The following MGAT4A variants were observed in gnomAD, a reference collection of about 807,000 sequenced individuals.
The protein encoded by MGAT4A is N-acetylglucosaminyltransferase IVa.
Under a neutral mutation model 74.1 loss-of-function variants are expected in MGAT4A, and 33 were observed. The ratio of observed to expected loss-of-function variants is 0.45; its 90% CI spans 0.34 to 0.60. The LOEUF (loss-of-function observed/expected upper bound fraction) is 0.60. MGAT4A is among the 20% of genes least tolerant of loss of function. MGAT4A has a pLI of 0.02. For synonymous variants in MGAT4A, 198 were observed against 210.4 expected (o/e 0.94, Z 0.51); for missense variants, 479 against 628.3 (o/e 0.76, Z 2.54).
intron 8 of MGAT4A, among the ~76,000 whole-genome samples, chr2:98,645,822 CAT>C (rs1701476184): frequency 6.6e-6 from 1 of 151,984 alleles, no homozygotes; most frequent in South Asian, 2.1e-4. Flanking sequence ...ATGATGCTGA[CAT>C]GTGAGTGGAT....
chr2:98,648,555 TA>T lies in MGAT4A; in HGVS notation c.775-3014del, dbSNP rs200362062. Among the ~76,000 whole-genome samples the T allele has an allele frequency of 4.0e-3, 518 of 128,468 alleles. 1 individual carries two copies. Among genetic ancestry groups the T allele is most frequent in the Middle Eastern group, 4.4e-3 (1 of 228 alleles). The allele number at this position is 128,468 out of a possible 152,430, so 84.3% of individuals were successfully genotyped here. On this transcript the variant is annotated intron_variant, in intron 8 of 15. Transcript: ENST00000393487. ...AGTGAGACCCTGTTTTTACAAAAAGTAAAAAAAAAAAAAATTAGCCAGGCAT... is the reference window on the plus strand; with the variant it reads ...AGTGAGACCCTGTTTTTACAAAAAGTAAAAAAAAAAAAATTAGCCAGGCAT...
intron 2 of MGAT4A, among the ~76,000 whole-genome samples, chr2:98,681,714 G>C (rs1217684612): frequency 1.3e-5 from 2 of 152,122 alleles, no homozygotes; most frequent in Non-Finnish European, 2.9e-5. Flanking sequence ...CCAGCACTTT[G>C]GGAAGCCATG....
rs1701087520 is a variant in MGAT4A, at chr2:98,623,160, A to G, written c.*2406T>C. 5.1e-6 allele frequency: 5 copies of G among 985,486 alleles called. No individual in the cohort carries two copies. Among genetic ancestry groups the G allele is most frequent in the Non-Finnish European group, 6.0e-6 (5 of 829,964 alleles). The allele number at this position is 985,486 out of a possible 1,614,324, so 61.0% of individuals were successfully genotyped here. On this transcript the variant is annotated 3_prime_UTR_variant, in exon 16 of 16. Coordinates refer to ENST00000393487, the MANE Select transcript of MGAT4A (RefSeq NM_012214.3). Reference sequence around the variant, plus strand: ...AGATTCATGGGGAGAGAAGCACAAAAAAGTCCTGGAATGATAGGAAAGATT... The same window carrying G: ...AGATTCATGGGGAGAGAAGCACAAAGAAGTCCTGGAATGATAGGAAAGATT...
intron 14 of MGAT4A, among the ~76,000 whole-genome samples, chr2:98,633,223 G>T (rs529618681): frequency 6.6e-6 from 1 of 152,296 alleles, no homozygotes; most frequent in Admixed American, 6.5e-5. Context: ...CAACAGAGTT[G>T]GGGGTAAGGA....
At chr2:98,671,943 C>CAAGAAA (rs1701916430) in intron 4 of MGAT4A, among the ~76,000 whole-genome samples, 1 of 28,616 alleles carries the variant, frequency 3.5e-5, no homozygotes. Flanking sequence ...GTGGAAAAGG[C>CAAGAAA]AAAAAAAAAA....
chr2:98,625,324 G>A lies in MGAT4A; in HGVS notation c.*242C>T. ...TTAGTATAATACCAAAATAGTACAA[G>A]TCATATTAACAGGCTGTCATAATTG... On this transcript the variant is annotated 3_prime_UTR_variant, in exon 16 of 16. Coordinates refer to ENST00000393487, the MANE Select transcript of MGAT4A (RefSeq NM_012214.3). 1.6e-6 allele frequency: 2 copies of A among 1,275,854 alleles called. No homozygotes were observed. The highest frequency in any genetic ancestry group is 2.0e-6 in the Non-Finnish European group (2 of 994,426). 79.0% of individuals were successfully genotyped at this position (1,275,854 alleles called of 1,614,324 possible). A position where few individuals can be genotyped will look rare whatever the true frequency, so the allele number is the denominator to read the frequency against.
At chr2:98,698,632 C>T (rs1702308458) in intron 2 of MGAT4A, among the ~76,000 whole-genome samples, 1 of 152,136 alleles carries the variant, frequency 6.6e-6, no homozygotes, top group African/African-American at 2.4e-5. Flanking sequence ...GGAAACCCTT[C>T]AATGACTACC....
At chr2:98,643,124 GT>G (rs1302622671) in intron 10 of MGAT4A, among the ~76,000 whole-genome samples, 6 of 151,808 alleles carry the variant, frequency 4.0e-5, no homozygotes, top group Middle Eastern at 3.4e-3. Flanking sequence ...AAAAGCTATA[GT>G]TTTTTTTCAG....
intron 6 of MGAT4A, 151 bp downstream of exon 6, chr2:98,658,067 G>T (rs1045329375): frequency 1.7e-6 from 1 of 574,614 alleles, no homozygotes; most frequent in Non-Finnish European, 3.1e-6. Context: ...ACCTACTTTG[G>T]GACAATATCA....
intron 4 of MGAT4A, chr2:98,663,431 TGAATG>T: frequency 6.7e-7 from 1 of 1,493,734 alleles, no homozygotes; most frequent in Non-Finnish European, 8.9e-7. Context: ...CACTAAAAAA[TGAATG>T]GCTGCGAAGT....
intron 8 of MGAT4A, 51 bp downstream of exon 8, chr2:98,655,394 A>G (rs1701643275): frequency 7.2e-7 from 1 of 1,382,726 alleles, no homozygotes; most frequent in Non-Finnish European, 1.0e-6. Flanking sequence ...CATACCCTTG[A>G]TAACACTTTT....
rs113722797 is a variant in MGAT4A at position 98,627,017 on chromosome 2, C to T, written c.1469-1182G>A. The stretch of plus-strand genomic sequence containing the variant: ...TTATTAGCCTTCCGGTATATTATTA[C>T]ACTGCAGATGAATCATTTCCAATTG... On this transcript the variant is annotated intron_variant, in intron 14 of 15. Coordinates refer to ENST00000393487, the MANE Select transcript of MGAT4A (RefSeq NM_012214.3). 5.1e-3 allele frequency among the ~76,000 whole-genome samples: 772 copies of T among 152,284 alleles called. 7 individuals carry two copies. The highest frequency in any genetic ancestry group is 0.018 in the African/African-American group (737 of 41,564).
intron 9 of MGAT4A, 62 bp from the exon 10 acceptor site, chr2:98,644,115 T>G: frequency 6.9e-7 from 1 of 1,452,160 alleles, no homozygotes; most frequent in South Asian, 1.5e-5. Context: ...ATGGCTTACA[T>G]TCATGAAATC....
intron 2 of MGAT4A, among the ~76,000 whole-genome samples, chr2:98,689,216 GAA>G (rs202000562): frequency 0.02 from 3,080 of 152,244 alleles, 39 homozygotes; most frequent in Non-Finnish European, 0.031. Flanking sequence ...AACCTTTGCT[GAA>G]AACAACTGGG....
intron 2 of MGAT4A, among the ~76,000 whole-genome samples, chr2:98,701,754 G>C (rs941418253): frequency 6.6e-6 from 1 of 152,194 alleles, no homozygotes. Context: ...CTAGACCCTA[G>C]TTAGGTCCTG....
At chr2:98,673,718 T>G (rs1375449839) in intron 4 of MGAT4A, among the ~76,000 whole-genome samples, 1 of 152,216 alleles carries the variant, frequency 6.6e-6, no homozygotes, top group Non-Finnish European at 1.5e-5. Flanking sequence ...TTGGACATTT[T>G]AAATGACTTT....
At chr2:98,693,279 T>A (rs1459205220) in intron 2 of MGAT4A, among the ~76,000 whole-genome samples, 1 of 151,820 alleles carries the variant, frequency 6.6e-6, no homozygotes, top group Non-Finnish European at 1.5e-5. Flanking sequence ...GAATTTGCCA[T>A]CAGCAAACCT....
At chr2:98,653,439 T>C (rs1438142631) in intron 8 of MGAT4A, among the ~76,000 whole-genome samples, 2 of 149,854 alleles carry the variant, frequency 1.3e-5, no homozygotes, top group African/African-American at 4.9e-5. Flanking sequence ...CTTAGCTAGA[T>C]TAGCTAAGAA....
intron 5 of MGAT4A, among the ~76,000 whole-genome samples, chr2:98,658,582 C>T (rs748957785): frequency 6.6e-6 from 1 of 151,976 alleles, no homozygotes; most frequent in Non-Finnish European, 1.5e-5. Context: ...AGATGCTGCA[C>T]GATATGAAGA....
Sources: allele counts gnomAD v4.1 joint callset (sites outside exome capture counted in the v4.1 genomes callset), GRCh38; gene constraint gnomAD v4.1.1; transcripts MANE v1.5; gene names NCBI Gene and HGNC (gene_info 2026-07-23, HGNC 2026-07-21).